The following MORN1 variants were observed in gnomAD, a reference collection of about 807,000 sequenced individuals.
MORN1 encodes MORN repeat-containing protein 1.
Under a neutral mutation model 61.9 loss-of-function variants are expected in MORN1, and 67 were observed. The ratio of observed to expected loss-of-function variants is 1.08; its 90% confidence interval spans 0.89 to 1.33. The LOEUF is 1.33. Ranked by LOEUF, MORN1 falls within the 40% of genes most tolerant of loss-of-function variation. The pLI is 0.00. For synonymous variants in MORN1, 301 were observed against 292.0 expected (o/e 1.03, Z -0.31); for missense variants, 752 against 691.2 (o/e 1.09, Z -0.99).
Position 2,357,729 on chromosome 1 carries a change from C to G in MORN1, c.870-131G>C, listed in dbSNP as rs990740482. 3 of 1,085,374 alleles carry G rather than the reference C, an allele frequency of 2.8e-6. No homozygotes were observed. The African/African-American group carries it at 4.9e-5, about 18-fold the overall frequency. The allele number at this position is 1,085,374 out of a possible 1,614,324, so 67.2% of individuals were successfully genotyped here. A position where few individuals can be genotyped will look rare whatever the true frequency, so the allele number is the denominator to read the frequency against. On this transcript the variant is annotated intron_variant, in intron 9 of 13. Coordinates refer to ENST00000378531, the MANE Select transcript of MORN1 (RefSeq NM_024848.3). This position sits in a 1 kb window ranked among gnomAD's most constrained non-coding sequence, Gnocchi z 6.3. ...GTCCAGGGAGCGCTACTCAGCCTCT[C>G]TGGGAGGTCTCCTGCTGGGATGGGG...
intron 1 of MORN1, chr1:2,390,398 C>T (rs1175107992): frequency 1.0e-6 from 1 of 980,192 alleles, no homozygotes; most frequent in Non-Finnish European, 1.2e-6. Flanking sequence ...GAGGAGCAGA[C>T]TCTCCCATCC....
intron 13 of MORN1, chr1:2,322,975 G>A: frequency 1.0e-6 from 1 of 985,454 alleles, no homozygotes; most frequent in Non-Finnish European, 1.2e-6. Context: ...ATACGTACAT[G>A]GCTTAGCCCC....
Position 2,381,211 on chromosome 1 carries a change from C to T in MORN1, c.537+3767G>A, listed in dbSNP as rs1483211540. Among the ~76,000 whole-genome samples the T allele has an allele frequency of 9.2e-5, 14 of 152,386 alleles. No homozygotes were observed. The East Asian group carries it at 1.7e-3, about 19-fold the overall frequency. ...TGGTCTGGCAGCCACGGCTGTGCTG[C>T]GTGGGAGGCGGCCCCGGCCCAGTCC... On this transcript the variant is annotated intron_variant, in intron 6 of 13. Transcript: ENST00000378531.
intron 10 of MORN1, chr1:2,351,860 G>T: frequency 2.0e-6 from 1 of 510,082 alleles, no homozygotes. Flanking sequence ...CCACGGTCAC[G>T]ACTGCCGTTC....
At chr1:2,322,073 C>T in intron 13 of MORN1, 8 of 985,414 alleles carry the variant, frequency 8.1e-6, no homozygotes, top group Non-Finnish European at 9.6e-6. Flanking sequence ...CCGCCCTGGC[C>T]CCTTCCCCAC....
At chr1:2,340,797 G>C (rs550027033) in intron 10 of MORN1, among the ~76,000 whole-genome samples, 1 of 152,102 alleles carries the variant, frequency 6.6e-6, no homozygotes, top group South Asian at 2.1e-4. Context: ...CGCAGGGCAC[G>C]ATGAGGGCCG....
intron 10 of MORN1, among the ~76,000 whole-genome samples, chr1:2,356,307 T>C (rs1641768096): frequency 6.6e-6 from 1 of 152,070 alleles, no homozygotes; most frequent in African/African-American, 2.4e-5. Flanking sequence ...TGAGGCGCAT[T>C]TGGGGATGAC....
At chr1:2,326,052 C>T (rs2643892) in intron 12 of MORN1, 37,103 of 152,202 alleles carry the variant, frequency 0.24, 5,041 homozygotes, top group East Asian at 0.53. Flanking sequence ...CCGTCCTGCC[C>T]GCTGTGGCTG....
At chr1:2,327,191 GACACAGAA>G (rs1641048115) in intron 12 of MORN1, among the ~76,000 whole-genome samples, 1 of 121,996 alleles carries the variant, frequency 8.2e-6, no homozygotes, top group African/African-American at 3.2e-5. Context: ...GAGACACAGA[GACACAGAA>G]ACACACAGAA....
At chr1:2,371,908 CAA>C (rs60972860) in intron 8 of MORN1, 285 of 107,796 alleles carry the variant, frequency 2.6e-3, no homozygotes, top group South Asian at 0.015. Flanking sequence ...AACTCCATCT[CAA>C]AAAAAAAAAA....
intron 10 of MORN1, chr1:2,351,682 C>A: frequency 2.3e-6 from 1 of 428,614 alleles, no homozygotes; most frequent in South Asian, 2.0e-5. Flanking sequence ...TCTTCACGTG[C>A]TGGTTGCTTC....
chr1:2,324,139 C>T lies in MORN1; in HGVS notation c.1255G>A (p.Glu419Lys), dbSNP rs1640945731. The T allele has an allele frequency of 6.3e-7, 1 of 1,598,902 alleles. No individual in the cohort carries two copies. The stretch of plus-strand genomic sequence containing the variant: ...GCCTGCTCCTCCGTGGCTCTCCCCT[C>T]AGGCCTGTGGAGACGACACAGTGAG... ...AQEPPGGSRP[E>K]GRATEEQAAA... The change falls in exon 13 of 14, where the codon GAG becomes AAG. Residue 419 changes from glutamate (E) to lysine (K), a missense_variant. Transcript: ENST00000378531.
At position 2,337,085 on chromosome 1, in the gene MORN1, G is replaced by A. The variant is rs942905476; in HGVS notation, c.1037-235C>T. 1.3e-5 allele frequency among the ~76,000 whole-genome samples: 2 copies of A among 152,106 alleles called. No homozygotes were observed. The highest frequency in any genetic ancestry group is 4.8e-5 in the African/African-American group (2 of 41,418). ...CGTGTCCACGGCCTCTGACGCCCCC[G>A]CCCCCTTCTGAGTCCACCCCAGCGC... On this transcript the variant is annotated intron_variant, in intron 10 of 13. Transcript: ENST00000378531. This position sits in a 1 kb window ranked among gnomAD's most constrained non-coding sequence, Gnocchi z 5.7.
chr1:2,356,215 T>C (rs1198320908), intron 10 of MORN1, among the ~76,000 whole-genome samples: 2 of 152,090 alleles, frequency 1.3e-5, no homozygotes, highest in Non-Finnish European at 2.9e-5. Flanking sequence ...GACTTGGGGC[T>C]GCATGTGGTG....
At chr1:2,367,035 AT>A (rs1338057632) in intron 8 of MORN1, among the ~76,000 whole-genome samples, 1 of 152,142 alleles carries the variant, frequency 6.6e-6, no homozygotes, top group Non-Finnish European at 1.5e-5. Context: ...TAGAAAAACA[AT>A]AATATCAACA....
chr1:2,371,908 C>CA (rs60972860), intron 8 of MORN1: 498 of 107,904 alleles, frequency 4.6e-3, no homozygotes, highest in Middle Eastern at 0.023. Flanking sequence ...AACTCCATCT[C>CA]AAAAAAAAAA....
Position 2,368,525 on chromosome 1 carries a change from T to C in MORN1, c.745+3956A>G, listed in dbSNP as rs1642043439. ...ATGGTAAACTGGCATGATGCGTTGG[T>C]GGGCGTGTCTTATGGAAGGCTGCTT... On this transcript the variant is annotated intron_variant, in intron 8 of 13. Coordinates refer to ENST00000378531, the MANE Select transcript of MORN1 (RefSeq NM_024848.3). 3.3e-5 allele frequency among the ~76,000 whole-genome samples: 5 copies of C among 152,174 alleles called. No homozygotes were observed. In the South Asian group the frequency reaches 1.0e-3, roughly 32 times the overall value.
chr1:2,335,852 G>GCCCAGCCCAGCCCAGCCCAGCCCAGCC, intron 12 of MORN1, among the ~76,000 whole-genome samples: 1 of 136,242 alleles, frequency 7.3e-6, no homozygotes, highest in African/African-American at 3.8e-5. Context: ...CCAGCGCGCA[G>GCCCAGCCCAGCCCAGCCCAGCCCAGCC]CTGCCCCCAA....
At position 2,372,028 on chromosome 1, in the gene MORN1, A is replaced by G. The variant is rs1642133550; in HGVS notation, c.745+453T>C. ...CACAAAAACTTGTATACACATGTCC[A>G]CAGCAGCACTATTCATAACAGCCCA... On this transcript the variant is annotated intron_variant, in intron 8 of 13. Coordinates refer to ENST00000378531, the MANE Select transcript of MORN1 (RefSeq NM_024848.3). The surrounding 1 kb of genome is among the most constrained non-coding windows in gnomAD (Gnocchi z 5.4). The G allele has an allele frequency of 5.6e-6, 1 of 179,706 alleles. No individual in the cohort carries two copies. The highest frequency in any genetic ancestry group is 1.2e-5 in the Non-Finnish European group (1 of 83,102). The allele number at this position is 179,706 out of a possible 1,614,324, so 11.1% of individuals were successfully genotyped here. A position where few individuals can be genotyped will look rare whatever the true frequency, so the allele number is the denominator to read the frequency against.
Sources: gnomAD v4.1 joint callset for allele counts (sites outside exome capture counted in the v4.1 genomes callset) on GRCh38, gnomAD v4.1.1 for gene constraint, Gnocchi (gnomAD v3.1) non-coding constraint, MANE v1.5 for transcripts, NCBI Gene and HGNC (gene_info 2026-07-23, HGNC 2026-07-21) for gene names.